The following DNAI7 variants were observed in gnomAD, a reference collection of about 807,000 sequenced individuals.
DNAI7 encodes the protein dynein axonemal intermediate chain 7, also known as cancer susceptibility 1.
DNAI7 carries 78 observed loss-of-function variants against 86.6 expected under a neutral mutation model. That is an observed-to-expected ratio of 0.90 (90% CI 0.75 to 1.09). The LOEUF (loss-of-function observed/expected upper bound fraction) is 1.09. Among genes scored for constraint, DNAI7 ranks in the 50% least tolerant of loss-of-function variants. DNAI7 has a pLI of 0.00. For missense variants in DNAI7, 753 were observed against 810.2 expected, an observed-to-expected ratio of 0.93 and a Z score of 0.86; for synonymous variants, 274 against 273.0, an observed-to-expected ratio of 1.00 and a Z score of -0.04.
At chr12:25,127,341 T>C (rs2140537451) in intron 9 of DNAI7, among the ~76,000 whole-genome samples, 1 of 152,302 alleles carries the variant, frequency 6.6e-6, no homozygotes, top group Middle Eastern at 3.4e-3. Context: ...GCCAAAAAAA[T>C]ACTTCTTTAT....
intron 9 of DNAI7, among the ~76,000 whole-genome samples, chr12:25,135,079 G>A (rs1420169003): frequency 6.6e-6 from 1 of 152,126 alleles, no homozygotes; most frequent in African/African-American, 2.4e-5. Flanking sequence ...CAGGAAAACG[G>A]AAATAATTCA....
At chr12:25,138,394 C>T (rs1943800698) in intron 9 of DNAI7, among the ~76,000 whole-genome samples, 1 of 152,118 alleles carries the variant, frequency 6.6e-6, no homozygotes, top group Non-Finnish European at 1.5e-5. Context: ...ACCCAGGAGG[C>T]AGAGGCTGCA....
intron 2 of DNAI7, among the ~76,000 whole-genome samples, chr12:25,179,961 C>G (rs966972735): frequency 6.6e-6 from 1 of 152,074 alleles, no homozygotes; most frequent in Non-Finnish European, 1.5e-5. Context: ...CAAGAGAAAG[C>G]AATAAAAGGC....
chr12:25,178,471 T>C (rs776087029), intron 2 of DNAI7, among the ~76,000 whole-genome samples: 4 of 152,158 alleles, frequency 2.6e-5, no homozygotes, highest in Admixed American at 1.3e-4. Flanking sequence ...TTTGTTCTTC[T>C]TGACATATCA....
rs1437593395 is a variant in DNAI7 at position 25,113,918 on chromosome 12, ATTTC to A, written c.1611+734_1611+737del. On this transcript the variant is annotated intron_variant, in intron 13 of 15. Coordinates refer to ENST00000395987, the MANE Select transcript of DNAI7 (RefSeq NM_018272.5). ...GTCTCCAAACATTACAGGCTATGTA[ATTTC>A]TTTCTTTCTTTCTGGGTTTTTTTTT... Among the ~76,000 whole-genome samples the A allele has an allele frequency of 3.8e-5, 5 of 130,992 alleles. 1 individual carries two copies. Among genetic ancestry groups the A allele is most frequent in the Non-Finnish European group, 4.8e-5 (3 of 62,834 alleles). The allele number at this position is 130,992 out of a possible 152,430, so 85.9% of individuals were successfully genotyped here.
At chr12:25,139,788 G>GT (rs201146209) in intron 9 of DNAI7, among the ~76,000 whole-genome samples, 1 of 152,246 alleles carries the variant, frequency 6.6e-6, no homozygotes, top group East Asian at 1.9e-4. Context: ...CATGGCACAT[G>GT]TATACCTATG....
rs756868343 is a variant in DNAI7, at chr12:25,158,477, C to T, written c.193G>A (p.Ala65Thr). The change falls in exon 4 of 16, where the codon GCA becomes ACA. Residue 65 changes from alanine to threonine, a missense_variant. By Grantham distance (58) the Ala-to-Thr change is moderately conservative. Transcript: ENST00000395987. ...CATTATTAATGTTTATTTACTTTTG[C>T]TTCAAGTCGATGCCATTTTTCTTTC... ...IEKEKWHRLEAKDLERRNEEL... is the reference protein window; with the variant it reads ...IEKEKWHRLETKDLERRNEEL... 1 of 1,610,136 alleles carries T rather than the reference C, an allele frequency of 6.2e-7. No individual in the cohort carries two copies. Among genetic ancestry groups the T allele is most frequent in the South Asian group, 1.1e-5 (1 of 90,674 alleles).
At chr12:25,146,809 T>C (rs1279758893) in intron 8 of DNAI7, among the ~76,000 whole-genome samples, 192 bp downstream of exon 8, 1 of 152,236 alleles carries the variant, frequency 6.6e-6, no homozygotes, top group Non-Finnish European at 1.5e-5. Context: ...ACTGATGATA[T>C]ACTGAAGCTC....
intron 2 of DNAI7, among the ~76,000 whole-genome samples, chr12:25,184,437 A>G (rs1404880183): frequency 1.3e-5 from 2 of 152,208 alleles, no homozygotes; most frequent in African/African-American, 2.4e-5. Flanking sequence ...CATCCATGCT[A>G]TATCATGCAT....
intron 2 of DNAI7, among the ~76,000 whole-genome samples, chr12:25,171,953 G>C (rs1948193284): frequency 1.3e-5 from 2 of 152,098 alleles, no homozygotes; most frequent in Non-Finnish European, 1.5e-5. Flanking sequence ...CAGCATAAAA[G>C]GGACATATCT....
intron 8 of DNAI7, among the ~76,000 whole-genome samples, chr12:25,145,157 C>T (rs192763086): frequency 1.5e-4 from 23 of 152,294 alleles, no homozygotes; most frequent in Admixed American, 9.8e-4. Flanking sequence ...TCCACAAGTG[C>T]AAGCATCTGT....
At chr12:25,146,121 C>A (rs542854460) in intron 8 of DNAI7, among the ~76,000 whole-genome samples, 1 of 151,866 alleles carries the variant, frequency 6.6e-6, no homozygotes, top group Non-Finnish European at 1.5e-5. Context: ...ACTCAGGAGG[C>A]TGAGGCAGGA....
intron 2 of DNAI7, among the ~76,000 whole-genome samples, chr12:25,177,230 C>G (rs1465961927): frequency 9.2e-5 from 14 of 152,090 alleles, no homozygotes; most frequent in Admixed American, 9.2e-4. Context: ...GTGTGCAATT[C>G]AGTGGCTTTA....
chr12:25,154,074 T>G (rs10842492), intron 6 of DNAI7, among the ~76,000 whole-genome samples: 58,135 of 151,994 alleles, frequency 0.38, 13,021 homozygotes, highest in East Asian at 0.77. Flanking sequence ...CTTGATTTTT[T>G]TTTCTTGATT....
chr12:25,147,482 C>CCA (rs1555170140), intron 7 of DNAI7, among the ~76,000 whole-genome samples: 2 of 150,640 alleles, frequency 1.3e-5, no homozygotes, highest in Middle Eastern at 3.4e-3. Context: ...TGAGACCACC[C>CCA]CCATCTCTAC....
intron 6 of DNAI7, among the ~76,000 whole-genome samples, chr12:25,150,467 G>A (rs963296695): frequency 1.3e-5 from 2 of 152,006 alleles, no homozygotes; most frequent in African/African-American, 2.4e-5. Flanking sequence ...AGCCAGGTGT[G>A]GTGGCGGGCG....
chr12:25,129,656 A>T (rs893153714), intron 9 of DNAI7, among the ~76,000 whole-genome samples: 11 of 152,260 alleles, frequency 7.2e-5, no homozygotes, highest in Middle Eastern at 3.4e-3. Context: ...TTTCCTTCCT[A>T]TCTAAACTTC....
rs116309966 is a variant in DNAI7, at chr12:25,152,330, G to A, written c.438+1989C>T. 6.2e-3 allele frequency among the ~76,000 whole-genome samples: 943 copies of A among 152,266 alleles called. 10 individuals are homozygous for A. Among genetic ancestry groups the A allele is most frequent in the African/African-American group, 0.021 (882 of 41,538 alleles). ...CCCTAGCCTCCAGGATGGGGAGAGG[G>A]GATGAAGATGAACTTAAATGCCAAC... On this transcript the variant is annotated intron_variant, in intron 6 of 15. Transcript: ENST00000395987.
At chr12:25,160,824 A>G (rs1021053510) in intron 3 of DNAI7, among the ~76,000 whole-genome samples, 1 of 152,154 alleles carries the variant, frequency 6.6e-6, no homozygotes, top group Admixed American at 6.5e-5. Flanking sequence ...GTATGTCCCA[A>G]GTATTGCATG....
Sources: allele counts gnomAD v4.1 joint callset (sites outside exome capture counted in the v4.1 genomes callset), GRCh38; gene constraint gnomAD v4.1.1; transcripts MANE v1.5; gene names NCBI Gene and HGNC (gene_info 2026-07-23, HGNC 2026-07-21).